Variants in SLC24A2 observed in about 807,000 individuals in gnomAD.
The protein encoded by SLC24A2 is sodium/potassium/calcium exchanger 2.
A neutral mutation model predicts 62.0 loss-of-function variants in SLC24A2; 36 were observed. That is an observed-to-expected ratio of 0.58 (90% CI 0.44 to 0.77). The LOEUF (loss-of-function observed/expected upper bound fraction) is 0.77. SLC24A2 is among the 30% of genes least tolerant of loss of function. The pLI, the probability that SLC24A2 is intolerant of heterozygous loss-of-function variation, is 0.00. For synonymous variants in SLC24A2, 358 were observed against 294.0 expected (o/e 1.22, Z -2.23); for missense variants, 846 against 817.9 (o/e 1.03, Z -0.42).
the SLC24A2 span, chr9:19,967,120 T>A: frequency 5.3e-5 from 8 of 152,178 alleles, no homozygotes; most frequent in African/African-American, 1.9e-4. Flanking sequence ...CAAGGCAGAA[T>A]GGAATGAGAA....
the SLC24A2 span, among the ~76,000 whole-genome samples, chr9:20,287,005 C>A: frequency 2.0e-5 from 3 of 152,218 alleles, no homozygotes; most frequent in East Asian, 5.8e-4. Context: ...ATTCCTTGAC[C>A]CTACCCCAGG....
chr9:19,613,559 C>G (rs899951215), intron 4 of SLC24A2, among the ~76,000 whole-genome samples: 14 of 152,118 alleles, frequency 9.2e-5, no homozygotes, highest in African/African-American at 3.4e-4. Context: ...CTCCTTGTCC[C>G]AAACCAGAGG....
the SLC24A2 span, among the ~76,000 whole-genome samples, chr9:20,026,744 AG>A: frequency 6.6e-6 from 1 of 152,176 alleles, no homozygotes; most frequent in Non-Finnish European, 1.5e-5. Flanking sequence ...ATAGGGGAAA[AG>A]CTCCGTGACA....
upstream of SLC24A2, among the ~76,000 whole-genome samples, chr9:19,790,678 T>C (rs1823307287): frequency 6.6e-6 from 1 of 152,198 alleles, no homozygotes; most frequent in Non-Finnish European, 1.5e-5. Flanking sequence ...CAAAACTGTT[T>C]TAGGAAAAGG....
At chr9:19,657,801 C>T (rs937964301) in intron 2 of SLC24A2, among the ~76,000 whole-genome samples, 2 of 152,084 alleles carry the variant, frequency 1.3e-5, no homozygotes, top group African/African-American at 4.8e-5. Flanking sequence ...AATCCCAGCC[C>T]ACTGCAGACT....
At chr9:19,544,744 A>T (rs1280400074) in intron 8 of SLC24A2, among the ~76,000 whole-genome samples, 1 of 152,144 alleles carries the variant, frequency 6.6e-6, no homozygotes, top group Non-Finnish European at 1.5e-5. Context: ...AAGAATGTTG[A>T]ATATTGGCCC....
the SLC24A2 span, among the ~76,000 whole-genome samples, chr9:19,868,133 C>A: frequency 6.6e-6 from 1 of 151,930 alleles, no homozygotes; most frequent in Non-Finnish European, 1.5e-5. Flanking sequence ...ACAGTAACTT[C>A]TCTCTGATAG....
At chr9:19,789,540 G>A (rs1823279982), upstream of SLC24A2, among the ~76,000 whole-genome samples, 1 of 152,214 alleles carries the variant, frequency 6.6e-6, no homozygotes, top group Admixed American at 6.5e-5. Flanking sequence ...CTTGCAGGGT[G>A]ACCTTTCATT....
chr9:20,172,673 C>G, the SLC24A2 span, among the ~76,000 whole-genome samples: 1 of 151,812 alleles, frequency 6.6e-6, no homozygotes, highest in African/African-American at 2.4e-5. Flanking sequence ...CCTGAACAGC[C>G]CAATAACAAG....
At chr9:19,738,495 A>C (rs1189941253) in intron 2 of SLC24A2, among the ~76,000 whole-genome samples, 1 of 152,180 alleles carries the variant, frequency 6.6e-6, no homozygotes, top group Non-Finnish European at 1.5e-5. Context: ...GTTTTAACCA[A>C]AACAATAAAG....
At chr9:19,814,371 T>C in the SLC24A2 span, among the ~76,000 whole-genome samples, 1 of 152,238 alleles carries the variant, frequency 6.6e-6, no homozygotes, top group African/African-American at 2.4e-5. Context: ...GGTTTTCACA[T>C]ATACTGGGGA....
At chr9:19,731,569 T>C (rs1395056573) in intron 2 of SLC24A2, among the ~76,000 whole-genome samples, 1 of 151,786 alleles carries the variant, frequency 6.6e-6, no homozygotes, top group Non-Finnish European at 1.5e-5. Context: ...ACACAGGCTA[T>C]ACAAGAAAAC....
chr9:19,737,102 C>T (rs1299604869), intron 2 of SLC24A2, among the ~76,000 whole-genome samples: 1 of 152,188 alleles, frequency 6.6e-6, no homozygotes, highest in African/African-American at 2.4e-5. Context: ...AGGACATCTG[C>T]TACCTTTTCC....
the SLC24A2 span, among the ~76,000 whole-genome samples, chr9:20,220,015 A>G: frequency 6.6e-6 from 1 of 152,182 alleles, no homozygotes; most frequent in Non-Finnish European, 1.5e-5. Context: ...AAAGTGTAAC[A>G]TGCTATATAA....
At chr9:20,064,726 A>G in the SLC24A2 span, among the ~76,000 whole-genome samples, 1 of 152,182 alleles carries the variant, frequency 6.6e-6, no homozygotes, top group Non-Finnish European at 1.5e-5. Context: ...GCCAACTGAC[A>G]TCTCAAGCAC....
chr9:19,761,377 T>C (rs531486046), intron 2 of SLC24A2, among the ~76,000 whole-genome samples: 8 of 152,310 alleles, frequency 5.3e-5, no homozygotes, highest in African/African-American at 1.2e-4. Context: ...TGGTATCTCA[T>C]TGTGGTTTTG....
intron 9 of SLC24A2, among the ~76,000 whole-genome samples, chr9:19,522,763 C>T (rs770988779): frequency 6.6e-6 from 1 of 152,124 alleles, no homozygotes; most frequent in Non-Finnish European, 1.5e-5. Context: ...GCTGAGTAAG[C>T]AAATCAATCT....
intron 2 of SLC24A2, among the ~76,000 whole-genome samples, chr9:19,703,821 T>C: frequency 6.6e-6 from 1 of 152,218 alleles, no homozygotes; most frequent in Non-Finnish European, 1.5e-5. Context: ...CTATGAAGTA[T>C]GTAATCATAG....
the SLC24A2 span, among the ~76,000 whole-genome samples, chr9:20,092,077 C>T: frequency 1.3e-5 from 2 of 151,838 alleles, no homozygotes; most frequent in African/African-American, 2.4e-5. Flanking sequence ...AACAACAGAC[C>T]CTGGGGCCTA....
Sources: allele counts gnomAD v4.1 joint callset (sites outside exome capture counted in the v4.1 genomes callset), GRCh38; gene constraint gnomAD v4.1.1; transcripts MANE v1.5; gene names NCBI Gene and HGNC (gene_info 2026-07-23, HGNC 2026-07-21).